Variants in ADAMTS17 observed in about 807,000 individuals in gnomAD.
ADAMTS17 encodes the protein ADAM metallopeptidase with thrombospondin type 1 motif 17, also known as A disintegrin and metalloproteinase with thrombospondin motifs 17.
ADAMTS17 carries 113 observed loss-of-function variants against 141.5 expected under a neutral mutation model. The ratio of observed to expected loss-of-function variants is 0.80; its 90% CI spans 0.69 to 0.93. The LOEUF (loss-of-function observed/expected upper bound fraction) is 0.93. ADAMTS17 is among the 40% of genes least tolerant of loss of function. The pLI is 0.00. For synonymous variants in ADAMTS17, 768 were observed against 630.6 expected (o/e 1.22, Z -3.27); for missense variants, 1,659 against 1,517.9 (o/e 1.09, Z -1.54).
chr15:100,131,059 C>A (rs2038013984), intron 12 of ADAMTS17, among the ~76,000 whole-genome samples: 1 of 152,110 alleles, frequency 6.6e-6, no homozygotes, highest in Admixed American at 6.6e-5. Flanking sequence ...GGGTTCATGT[C>A]CTTTGCAGGG....
Position 100,160,107 on chromosome 15 carries a change from T to C in ADAMTS17, c.1182-4787A>G, listed in dbSNP as rs148433243. 2.0e-4 allele frequency among the ~76,000 whole-genome samples: 31 copies of C among 152,286 alleles called. No individual in the cohort carries two copies. The East Asian group carries it at 6.0e-3, about 29-fold the overall frequency. On this transcript the variant is annotated intron_variant, in intron 8 of 21. Transcript: ENST00000268070. ...CTGCAGTGTCAAACGTTACAAAATT[T>C]GCACATTCACCAAATGGATACAGCA...
At chr15:100,330,435 G>T (rs781719836) in intron 3 of ADAMTS17, among the ~76,000 whole-genome samples, 16 of 152,224 alleles carry the variant, frequency 1.1e-4, no homozygotes, top group African/African-American at 3.9e-4. Context: ...ACGTGATGCT[G>T]ATGCTGCTGG....
chr15:100,160,217 G>T (rs991753314), intron 8 of ADAMTS17, among the ~76,000 whole-genome samples: 1 of 152,162 alleles, frequency 6.6e-6, no homozygotes, highest in Admixed American at 6.5e-5. Flanking sequence ...CCCTACCTTG[G>T]CCAGGATCAG....
chr15:100,190,657 T>C lies in ADAMTS17; in HGVS notation c.1181+8661A>G, dbSNP rs145990359. ...AGGTACTTGGTTTCAAGTTGTCCAC[T>C]GGCAGTGGGCAGTAGGTGCACAAGG... On this transcript the variant is annotated intron_variant, in intron 8 of 21. Transcript: ENST00000268070. Among the ~76,000 whole-genome samples, 1,049 of 152,328 alleles carry C rather than the reference T, an allele frequency of 6.9e-3. 10 individuals are homozygous for C. The highest frequency in any genetic ancestry group is 0.024 in the African/African-American group (987 of 41,564).
rs2038069639 is a variant in ADAMTS17 at position 100,131,991 on chromosome 15, T to C, written c.1721+16A>G. On this transcript the variant is annotated intron_variant, in intron 12 of 21. Transcript: ENST00000268070. ...CAATCGTGGCACGTTGGGGTATGGC[T>C]GGTCAGGGGACTTACGGGGGGTTGT... is the stretch of plus-strand genomic sequence containing the variant. The C allele has an allele frequency of 6.2e-7, 1 of 1,614,106 alleles. No individual in the cohort carries two copies. The highest frequency in any genetic ancestry group is 1.7e-5 in the Admixed American group (1 of 60,006).
intron 15 of ADAMTS17, among the ~76,000 whole-genome samples, chr15:100,067,266 C>T (rs1044836751): frequency 2.6e-5 from 4 of 151,878 alleles, no homozygotes; most frequent in East Asian, 1.9e-4. Context: ...AGTGGCCCAT[C>T]TGTCTCAGCA....
intron 7 of ADAMTS17, among the ~76,000 whole-genome samples, chr15:100,232,471 G>A (rs563310601): frequency 2.6e-4 from 40 of 152,370 alleles, no homozygotes; most frequent in African/African-American, 9.4e-4. Context: ...CTCACATCAA[G>A]TCATGCAGAG....
chr15:100,050,465 T>C (rs2032054519), intron 17 of ADAMTS17, among the ~76,000 whole-genome samples: 1 of 152,146 alleles, frequency 6.6e-6, no homozygotes, highest in African/African-American at 2.4e-5. Flanking sequence ...GATGCAGGGC[T>C]GATGGTGGTA....
chr15:100,087,518 A>G (rs535998988), intron 15 of ADAMTS17, among the ~76,000 whole-genome samples: 1 of 152,150 alleles, frequency 6.6e-6, no homozygotes, highest in Non-Finnish European at 1.5e-5. Context: ...TACCAAAGCC[A>G]GGCAGAGACA....
At chr15:100,211,736 A>C (rs897852672) in intron 7 of ADAMTS17, among the ~76,000 whole-genome samples, 3 of 152,240 alleles carry the variant, frequency 2.0e-5, no homozygotes, top group Admixed American at 2.0e-4. Flanking sequence ...CAAAGATTTA[A>C]AAAGATATAC....
At position 100,146,785 on chromosome 15, in the gene ADAMTS17, G is replaced by A. The variant is rs1377241996; in HGVS notation, c.1473+5827C>T. ...ACGTGCCTGGGGGTATAGGTCTATA[G>A]ATGGCCCCCCTGGGTGTGGTTGTCT... On this transcript the variant is annotated intron_variant, in intron 10 of 21. Coordinates refer to ENST00000268070, the MANE Select transcript of ADAMTS17 (RefSeq NM_139057.4). 2.6e-5 allele frequency among the ~76,000 whole-genome samples: 4 copies of A among 152,246 alleles called. 1 individual carries two copies. Among genetic ancestry groups the A allele is most frequent in the African/African-American group, 9.6e-5 (4 of 41,458 alleles).
intron 3 of ADAMTS17, among the ~76,000 whole-genome samples, chr15:100,319,379 T>C (rs926542187): frequency 6.6e-6 from 1 of 152,096 alleles, no homozygotes; most frequent in African/African-American, 2.4e-5. Flanking sequence ...AAAATTACAA[T>C]CCACATGTGA....
At chr15:100,275,074 C>T (rs975685841) in intron 4 of ADAMTS17, among the ~76,000 whole-genome samples, 1 of 152,116 alleles carries the variant, frequency 6.6e-6, no homozygotes, top group African/African-American at 2.4e-5. Flanking sequence ...TTGAGGAAAA[C>T]AGGGTGGGCC....
At chr15:100,133,145 CAG>C in intron 11 of ADAMTS17, 67 bp downstream of exon 11, 61 of 1,414,764 alleles carry the variant, frequency 4.3e-5, no homozygotes, top group Non-Finnish European at 5.3e-5. Context: ...GATTGTGTGT[CAG>C]AAGAGGTGCC....
At chr15:100,077,776 G>C (rs973534653) in intron 15 of ADAMTS17, among the ~76,000 whole-genome samples, 3 of 151,980 alleles carry the variant, frequency 2.0e-5, no homozygotes, top group Admixed American at 2.0e-4. Context: ...AACTAGGCAA[G>C]GAAAAGAAAT....
intron 7 of ADAMTS17, among the ~76,000 whole-genome samples, chr15:100,209,749 C>T (rs2041729452): frequency 6.6e-6 from 1 of 152,180 alleles, no homozygotes; most frequent in African/African-American, 2.4e-5. Context: ...GAATCATCGC[C>T]AGCGTGGCAG....
intron 10 of ADAMTS17, among the ~76,000 whole-genome samples, chr15:100,136,166 A>G (rs918828438): frequency 1.3e-5 from 2 of 152,248 alleles, no homozygotes; most frequent in African/African-American, 4.8e-5. Context: ...CATGTTGGAA[A>G]CAACCCAAAT....
chr15:100,155,286 A>G lies in ADAMTS17; in HGVS notation c.1216T>C (p.Cys406Arg). 6.2e-7 allele frequency: 1 copy of G among 1,614,196 alleles called. No homozygotes were observed. Among genetic ancestry groups the G allele is most frequent in the Non-Finnish European group, 8.5e-7 (1 of 1,180,022 alleles). Reference protein sequence around the residue: ...GMNHDDDHSSCAGRSHIMSGE... With the variant: ...GMNHDDDHSSRAGRSHIMSGE... ...GACATGATGTGGGACCTGCCAGCGC[A>G]AGATGAGTGGTCATCGTCGTGGTTC... is the stretch of plus-strand genomic sequence containing the variant. The change falls in exon 9 of 22, where the codon TGC becomes CGC. Residue 406 changes from cysteine (C) to arginine (R), a missense_variant. Cys to Arg is a radical substitution (Grantham distance 180). Transcript: ENST00000268070.
intron 3 of ADAMTS17, among the ~76,000 whole-genome samples, chr15:100,291,580 T>C (rs1218165479): frequency 1.3e-5 from 2 of 152,080 alleles, no homozygotes; most frequent in African/African-American, 2.4e-5. Flanking sequence ...AGCAAAAACC[T>C]GGAATCAATC....
Sources: allele counts gnomAD v4.1 joint callset (sites outside exome capture counted in the v4.1 genomes callset), GRCh38; gene constraint gnomAD v4.1.1; transcripts MANE v1.5; gene names NCBI Gene and HGNC (gene_info 2026-07-23, HGNC 2026-07-21).